The following NRXN3 variants were observed in gnomAD, a reference collection of about 807,000 sequenced individuals.
NRXN3 encodes neurexin III.
NRXN3 carries 32 observed loss-of-function variants against 137.6 expected under a neutral mutation model. The ratio of observed to expected loss-of-function variants is 0.23; its 90% confidence interval spans 0.18 to 0.31. The LOEUF (loss-of-function observed/expected upper bound fraction) is 0.31, where lower values mean the gene tolerates loss of function less well. Ranked by LOEUF, NRXN3 falls within the 10% of genes least tolerant of loss-of-function variation. The pLI, the probability that NRXN3 is intolerant of heterozygous loss-of-function variation, is 1.00. For synonymous variants in NRXN3, 798 were observed against 784.5 expected, an observed-to-expected ratio of 1.02 and a Z score of -0.29; for missense variants, 1,574 against 2,062.5, an observed-to-expected ratio of 0.76 and a Z score of 4.59.
intron 15 of NRXN3, among the ~76,000 whole-genome samples, chr14:79,287,167 A>C (rs1357711067): frequency 6.6e-6 from 1 of 152,060 alleles, no homozygotes; most frequent in Non-Finnish European, 1.5e-5. Context: ...AGATTATTTC[A>C]TTTACATAGT....
intron 4 of NRXN3, among the ~76,000 whole-genome samples, chr14:78,476,372 A>C (rs2095378343): frequency 1.3e-5 from 2 of 152,316 alleles, no homozygotes; most frequent in Admixed American, 6.5e-5. Flanking sequence ...TTAAATTGAA[A>C]TCTGAATGAC....
intron 15 of NRXN3, among the ~76,000 whole-genome samples, chr14:79,049,984 C>A (rs1461810153): frequency 2.6e-5 from 4 of 152,154 alleles, no homozygotes; most frequent in Non-Finnish European, 5.9e-5. Flanking sequence ...TTCTGTCCTG[C>A]AGCTCACCAT....
At chr14:79,090,613 G>T (rs1444007503) in intron 15 of NRXN3, among the ~76,000 whole-genome samples, 2 of 151,772 alleles carry the variant, frequency 1.3e-5, no homozygotes, top group African/African-American at 4.8e-5. Context: ...CTTCATATCT[G>T]GCCCCACCCC....
intron 17 of NRXN3, among the ~76,000 whole-genome samples, chr14:79,690,997 A>G (rs1255305733): frequency 6.6e-6 from 1 of 152,104 alleles, no homozygotes; most frequent in African/African-American, 2.4e-5. Flanking sequence ...ATATAGGCCT[A>G]TGAATCAAAA....
At chr14:78,228,159 T>TTC (rs1420985686) in intron 1 of NRXN3, among the ~76,000 whole-genome samples, 9 of 144,038 alleles carry the variant, frequency 6.2e-5, no homozygotes, top group South Asian at 2.2e-4. Context: ...TTTTCTTTCT[T>TTC]TTTTTTTTTT....
At chr14:79,669,715 G>T (rs1428699673) in intron 17 of NRXN3, among the ~76,000 whole-genome samples, 1 of 151,998 alleles carries the variant, frequency 6.6e-6, no homozygotes, top group South Asian at 2.1e-4. Flanking sequence ...CTGAACTGGG[G>T]TGTGGTCCAT....
intron 4 of NRXN3, among the ~76,000 whole-genome samples, chr14:78,541,762 C>A (rs191672657): frequency 6.6e-6 from 1 of 152,284 alleles, no homozygotes; most frequent in African/African-American, 2.4e-5. Flanking sequence ...TTCATCCCAC[C>A]TTTGGTCTTT....
chr14:78,539,934 T>C (rs1231601257), intron 4 of NRXN3, among the ~76,000 whole-genome samples: 1 of 152,226 alleles, frequency 6.6e-6, no homozygotes, highest in Non-Finnish European at 1.5e-5. Flanking sequence ...AGTTTCTTAA[T>C]CCTGAGTTCT....
intron 15 of NRXN3, among the ~76,000 whole-genome samples, chr14:79,330,897 A>G (rs72688972): frequency 0.048 from 7,303 of 152,298 alleles, 257 homozygotes; most frequent in Non-Finnish European, 0.073. Context: ...TTTATAGTGT[A>G]GATCCCCTTC....
intron 4 of NRXN3, among the ~76,000 whole-genome samples, chr14:78,440,847 G>T (rs914663364): frequency 6.6e-6 from 1 of 152,134 alleles, no homozygotes; most frequent in African/African-American, 2.4e-5. Flanking sequence ...CCATCTCATC[G>T]ATTTGCATGC....
intron 3 of NRXN3, chr14:78,283,275 A>G (rs1340737595): frequency 6.6e-6 from 1 of 152,202 alleles, no homozygotes; most frequent in Non-Finnish European, 1.5e-5. Context: ...ATAGCATAGG[A>G]TGGAGCAGGA....
At chr14:78,439,506 A>G (rs2094176103) in intron 4 of NRXN3, among the ~76,000 whole-genome samples, 1 of 152,196 alleles carries the variant, frequency 6.6e-6, no homozygotes, top group South Asian at 2.1e-4. Context: ...ACAGCCCACA[A>G]AGAGAAGTTA....
chr14:79,686,524 C>A (rs1266787721), intron 17 of NRXN3, among the ~76,000 whole-genome samples: 2 of 152,062 alleles, frequency 1.3e-5, no homozygotes. Context: ...TTTGATTCCC[C>A]ACAAGCTAAG....
At chr14:79,204,019 G>A (rs562868076) in intron 15 of NRXN3, among the ~76,000 whole-genome samples, 3 of 152,186 alleles carry the variant, frequency 2.0e-5, no homozygotes, top group African/African-American at 7.2e-5. Flanking sequence ...GAGTTGGGTA[G>A]CGATATATGC....
chr14:78,193,716 T>C lies in NRXN3; in HGVS notation c.-704+23042T>C, dbSNP rs938884097. Among the ~76,000 whole-genome samples the C allele has an allele frequency of 7.5e-5, 11 of 147,078 alleles. No homozygotes were observed. The South Asian group carries it at 1.1e-3, about 14-fold the overall frequency. On this transcript the variant is annotated intron_variant, in intron 1 of 20. Transcript: ENST00000335750. ...GGTGGAAGTTGTAGTGAGCCGAGAT[T>C]GTGCCACTGCACTCCAGCCTGGGTG...
At chr14:79,062,626 T>C (rs1204620793) in intron 15 of NRXN3, among the ~76,000 whole-genome samples, 1 of 152,216 alleles carries the variant, frequency 6.6e-6, no homozygotes, top group Non-Finnish European at 1.5e-5. Flanking sequence ...AGTGCGTCTC[T>C]GGTGCTTGTG....
intron 19 of NRXN3, among the ~76,000 whole-genome samples, chr14:79,742,079 C>G (rs2154080742): frequency 6.6e-6 from 1 of 152,228 alleles, no homozygotes; most frequent in Non-Finnish European, 1.5e-5. Context: ...GGTCACTGTG[C>G]TTTGTTCTAT....
At chr14:79,597,765 G>A (rs537559988) in intron 16 of NRXN3, among the ~76,000 whole-genome samples, 14 of 152,148 alleles carry the variant, frequency 9.2e-5, no homozygotes, top group South Asian at 6.2e-4. Context: ...TGGAACTTAC[G>A]TAGCTGATTC....
chr14:78,452,366 G>A (rs1480008680), intron 4 of NRXN3, among the ~76,000 whole-genome samples: 3 of 152,154 alleles, frequency 2.0e-5, no homozygotes, highest in Non-Finnish European at 4.4e-5. Context: ...TACATAAAGT[G>A]CTTAGAAGAA....
Sources: allele counts gnomAD v4.1 joint callset (sites outside exome capture counted in the v4.1 genomes callset), GRCh38; gene constraint gnomAD v4.1.1; transcripts MANE v1.5; gene names NCBI Gene and HGNC (gene_info 2026-07-23, HGNC 2026-07-21).